The following POLDIP3 variants were observed in gnomAD, a reference collection of about 807,000 sequenced individuals.
POLDIP3 encodes the protein polymerase delta-interacting protein 3.
Under a neutral mutation model 45.1 loss-of-function variants are expected in POLDIP3, and 14 were observed. That is an observed-to-expected ratio of 0.31 (90% confidence interval 0.20 to 0.49). POLDIP3 has a LOEUF of 0.49. Ranked by LOEUF, POLDIP3 falls within the 20% of genes least tolerant of loss-of-function variation. The pLI is 0.99. For synonymous variants in POLDIP3, 223 were observed against 205.2 expected (o/e 1.09, Z -0.74); for missense variants, 511 against 538.8 (o/e 0.95, Z 0.51).
chr22:42,602,552 G>A (rs1926459910), intron 2 of POLDIP3, among the ~76,000 whole-genome samples: 1 of 149,444 alleles, frequency 6.7e-6, no homozygotes, highest in Non-Finnish European at 1.5e-5. Context: ...ATTTCTATGG[G>A]CCTCCTTTTT....
intron 1 of POLDIP3, among the ~76,000 whole-genome samples, chr22:42,610,843 T>G (rs1287002578): frequency 6.6e-6 from 1 of 151,968 alleles, no homozygotes; most frequent in Non-Finnish European, 1.5e-5. Context: ...GAGGCAGAGG[T>G]TGGAGTGAGC....
rs561527941 is a variant in POLDIP3, at chr22:42,584,764, G to A, written c.*1027C>T. On this transcript the variant is annotated 3_prime_UTR_variant, in exon 9 of 9. Coordinates refer to ENST00000252115, the MANE Select transcript of POLDIP3 (RefSeq NM_032311.5). ...TGGATGGATGGGGTCACTCACATAA[G>A]TGGGAACAAACAGTGCCCCTTGGTG... 2.6e-6 allele frequency: 1 copy of A among 381,964 alleles called. No individual in the cohort carries two copies. Among genetic ancestry groups the A allele is most frequent in the East Asian group, 7.2e-5 (1 of 13,952 alleles). 23.7% of individuals were successfully genotyped at this position (381,964 alleles called of 1,614,324 possible).
chr22:42,612,939 C>T (rs1248765212), intron 1 of POLDIP3, among the ~76,000 whole-genome samples: 1 of 152,206 alleles, frequency 6.6e-6, no homozygotes, highest in African/African-American at 2.4e-5. Context: ...GAAACAGAAC[C>T]CAACAGTGGC....
At chr22:42,588,101 A>G (rs1925426308) in intron 7 of POLDIP3, among the ~76,000 whole-genome samples, 1 of 152,234 alleles carries the variant, frequency 6.6e-6, no homozygotes, top group Non-Finnish European at 1.5e-5. Flanking sequence ...TGAATACATC[A>G]TTAAAGGAAT....
chr22:42,593,805 C>T (rs1925817411), intron 6 of POLDIP3, among the ~76,000 whole-genome samples: 1 of 152,198 alleles, frequency 6.6e-6, no homozygotes, highest in African/African-American at 2.4e-5. Context: ...AGGCGTGAGC[C>T]ACTGCACCCG....
In POLDIP3 at chr22:42,598,249, A is replaced by T. The variant is rs77777128; in HGVS notation, c.633+1449T>A. Among the ~76,000 whole-genome samples, 51 of 90,826 alleles carry T rather than the reference A, an allele frequency of 5.6e-4. No homozygotes were observed. In the South Asian group the frequency reaches 8.0e-3, roughly 14 times the overall value. The allele number at this position is 90,826 out of a possible 152,430, so 59.6% of individuals were successfully genotyped here. A position where few individuals can be genotyped will look rare whatever the true frequency, so the allele number is the denominator to read the frequency against. ...AGGTGCCCGCCACCACACCCCGGATATTTTTTTTTTTTTTTTTTTTGAGAC... is the reference window on the plus strand; with the variant it reads ...AGGTGCCCGCCACCACACCCCGGATTTTTTTTTTTTTTTTTTTTTTGAGAC... On this transcript the variant is annotated intron_variant, in intron 4 of 8. Transcript: ENST00000252115.
intron 6 of POLDIP3, 133 bp downstream of exon 6, chr22:42,595,404 T>A (rs1925923819): frequency 3.8e-6 from 3 of 780,192 alleles, no homozygotes; most frequent in Non-Finnish European, 6.5e-6. Context: ...CTGTCATTAG[T>A]CTCAGCCCTG....
chr22:42,596,594 T>TCC (rs1342860546), intron 4 of POLDIP3, among the ~76,000 whole-genome samples: 3 of 152,018 alleles, frequency 2.0e-5, no homozygotes, highest in Admixed American at 6.6e-5. Flanking sequence ...CAGAAGCCAC[T>TCC]CCCCACAGTG....
chr22:42,609,052 C>T (rs1926954278), intron 1 of POLDIP3, among the ~76,000 whole-genome samples: 1 of 152,186 alleles, frequency 6.6e-6, no homozygotes, highest in South Asian at 2.1e-4. Context: ...AATCAACACT[C>T]CTGCCAGGGG....
intron 1 of POLDIP3, among the ~76,000 whole-genome samples, chr22:42,604,421 C>T (rs1160179258): frequency 6.6e-6 from 1 of 152,178 alleles, no homozygotes; most frequent in African/African-American, 2.4e-5. Flanking sequence ...ACCCTAGATG[C>T]TGAATCCAAA....
At position 42,592,032 on chromosome 22, in the gene POLDIP3, C is replaced by G; in HGVS notation, c.944G>C (p.Gly315Ala). 6.2e-7 allele frequency: 1 copy of G among 1,614,228 alleles called. No homozygotes were observed. The highest frequency in any genetic ancestry group is 1.3e-5 in the African/African-American group (1 of 75,058). ...TTTCACAAACACCACCTCCGCTACC[C>G]CAGGATGGACCAGTCGAGCTCGCTT... Reference protein sequence around the residue: ...ALKRARLVHPGVAEVVFVKKD... With the variant: ...ALKRARLVHPAVAEVVFVKKD... Residue 315 changes from glycine (G) to alanine (A), a missense_variant, in exon 7 of 9, where the codon GGG (glycine) becomes GCG (alanine). Physicochemically the swap from Gly to Ala is moderately conservative, Grantham distance 60. Around this residue, in one of 4 missense-constraint regions of POLDIP3, gnomAD observed 66 missense variants for 118.1 expected, o/e 0.56. Coordinates refer to ENST00000252115, the MANE Select transcript of POLDIP3 (RefSeq NM_032311.5).
chr22:42,595,472 TCTTAAGAGAC>T, intron 6 of POLDIP3, 55 bp downstream of exon 6: 2 of 1,446,192 alleles, frequency 1.4e-6, no homozygotes, highest in Non-Finnish European at 1.9e-6. Context: ...TGAGGGTGGG[TCTTAAGAGAC>T]CTTTGCCACA....
rs180928332 is a variant in POLDIP3 at position 42,597,031 on chromosome 22, C to A, written c.634-666G>T. 3.9e-3 allele frequency among the ~76,000 whole-genome samples: 589 copies of A among 152,268 alleles called. 4 individuals carry two copies. Among genetic ancestry groups the A allele is most frequent in the Middle Eastern group, 0.024 (7 of 294 alleles). ...GTGCTGATCACCACTCTTAAGAAGG[C>A]CCAGAATTCAGTGTTTTGGTTCCTC... On this transcript the variant is annotated intron_variant, in intron 4 of 8. Transcript: ENST00000252115.
chr22:42,603,151 G>A lies in POLDIP3; in HGVS notation c.69C>T (p.Ala23=), dbSNP rs886083021. ...ATCGGACACCTCCAACTCCCGGTCT[G>A]GCATTAAGCCTGTAAATATAAATTG... ...RGAAAKGRLN[A]RPGVGGVRSR... The change falls in exon 2 of 9, where the codon GCC becomes GCT. Residue 23 remains alanine, a synonymous_variant. Coordinates refer to ENST00000252115, the MANE Select transcript of POLDIP3 (RefSeq NM_032311.5). 3.7e-6 allele frequency: 6 copies of A among 1,613,814 alleles called. No individual in the cohort carries two copies. Among genetic ancestry groups the A allele is most frequent in the Non-Finnish European group, 5.1e-6 (6 of 1,179,792 alleles).
chr22:42,598,422 T>C (rs1246006155), intron 4 of POLDIP3, among the ~76,000 whole-genome samples: 3 of 147,232 alleles, frequency 2.0e-5, no homozygotes, highest in Non-Finnish European at 4.4e-5. Context: ...GGCTAATTTT[T>C]TGGTATTTTT....
At chr22:42,589,270 A>T (rs1260111577) in intron 7 of POLDIP3, among the ~76,000 whole-genome samples, 1 of 151,836 alleles carries the variant, frequency 6.6e-6, no homozygotes, top group Non-Finnish European at 1.5e-5. Context: ...GTGAACAAAG[A>T]TATATCACTC....
chr22:42,612,175 TAAG>T (rs1238010735), intron 1 of POLDIP3, among the ~76,000 whole-genome samples: 1 of 152,226 alleles, frequency 6.6e-6, no homozygotes, highest in East Asian at 1.9e-4. Flanking sequence ...TCCTTTACTT[TAAG>T]AAGCCTTCAA....
At chr22:42,598,472 C>T (rs760459933) in intron 4 of POLDIP3, among the ~76,000 whole-genome samples, 19 of 151,702 alleles carry the variant, frequency 1.3e-4, no homozygotes, top group Non-Finnish European at 1.3e-4. Flanking sequence ...AGGATGGTCT[C>T]GATCTCCTGA....
Position 42,592,098 on chromosome 22 carries a change from G to T in POLDIP3, c.892-14C>A. 6.2e-7 allele frequency: 1 copy of T among 1,614,026 alleles called. No homozygotes were observed. The highest frequency in any genetic ancestry group is 8.5e-7 in the Non-Finnish European group (1 of 1,179,864). On this transcript the variant is annotated splice_polypyrimidine_tract_variant and intron_variant, in intron 6 of 8. Coordinates refer to ENST00000252115, the MANE Select transcript of POLDIP3 (RefSeq NM_032311.5). ...ACAGAAAAGCTCCTGCACACAACAAGAGGGGTTGGGATTGGGGAAGGATTT... is the reference window on the plus strand; with the variant it reads ...ACAGAAAAGCTCCTGCACACAACAATAGGGGTTGGGATTGGGGAAGGATTT...
Sources: allele counts gnomAD v4.1 joint callset (sites outside exome capture counted in the v4.1 genomes callset), GRCh38; gene constraint gnomAD v4.1.1; regional missense constraint gnomAD v4.1.1; transcripts MANE v1.5; gene names NCBI Gene and HGNC (gene_info 2026-07-23, HGNC 2026-07-21).